Variants in SLC8A3 observed in about 807,000 individuals in gnomAD.
The protein encoded by SLC8A3 is solute carrier family 8 member A3.
SLC8A3 carries 37 observed loss-of-function variants against 65.4 expected under a neutral mutation model. That is an observed-to-expected ratio of 0.57 (90% CI 0.44 to 0.74). The LOEUF (loss-of-function observed/expected upper bound fraction) is 0.74, where lower values mean the gene tolerates loss of function less well. Ranked by LOEUF, SLC8A3 falls within the 30% of genes least tolerant of loss-of-function variation. The probability of loss-of-function intolerance (pLI) is 0.00; values close to 1 mark genes in which losing one functional copy is unlikely to be tolerated. For missense variants in SLC8A3, 1,112 were observed against 1,172.1 expected (o/e 0.95, Z 0.75); for synonymous variants, 461 against 444.5 (o/e 1.04, Z -0.47).
intron 2 of SLC8A3, among the ~76,000 whole-genome samples, chr14:70,098,190 G>A (rs1027866912): frequency 6.6e-6 from 1 of 152,182 alleles, no homozygotes; most frequent in Non-Finnish European, 1.5e-5. Context: ...GGCTTCCAGT[G>A]GGAAGAGCTA....
intron 2 of SLC8A3, among the ~76,000 whole-genome samples, chr14:70,065,728 G>C (rs1889350730): frequency 6.6e-6 from 1 of 152,224 alleles, no homozygotes; most frequent in African/African-American, 2.4e-5. Context: ...AACAATCCCA[G>C]TTTGGTGGTT....
At chr14:70,098,957 C>T (rs1258535898) in intron 2 of SLC8A3, among the ~76,000 whole-genome samples, 4 of 152,134 alleles carry the variant, frequency 2.6e-5, no homozygotes, top group Middle Eastern at 3.2e-3. Flanking sequence ...GCCCACGGTT[C>T]TCCGGGCTGC....
chr14:70,121,814 A>C (rs1373826634), intron 2 of SLC8A3, among the ~76,000 whole-genome samples: 1 of 144,310 alleles, frequency 6.9e-6, no homozygotes, highest in East Asian at 2.4e-4. Context: ...TCTTTTCAAA[A>C]ATTTTACATT....
chr14:70,109,323 T>C (rs983442151), intron 2 of SLC8A3, among the ~76,000 whole-genome samples: 1 of 148,898 alleles, frequency 6.7e-6, no homozygotes. Context: ...ACATTATATA[T>C]ATACACACAC....
chr14:70,087,817 C>A (rs1022306432), intron 2 of SLC8A3, among the ~76,000 whole-genome samples: 1 of 152,140 alleles, frequency 6.6e-6, no homozygotes, highest in African/African-American at 2.4e-5. Flanking sequence ...AACTTTGCAG[C>A]CCATGTTAAA....
At chr14:70,097,117 G>C (rs1251702047) in intron 2 of SLC8A3, among the ~76,000 whole-genome samples, 1 of 152,144 alleles carries the variant, frequency 6.6e-6, no homozygotes, top group Non-Finnish European at 1.5e-5. Context: ...AGTTCTGCAA[G>C]AAATGTTGTG....
intron 1 of SLC8A3, among the ~76,000 whole-genome samples, chr14:70,173,441 G>A (rs1273515716): frequency 6.6e-6 from 1 of 152,182 alleles, no homozygotes; most frequent in Non-Finnish European, 1.5e-5. Flanking sequence ...CAAGGCGTCT[G>A]TGTCCTTAGC....
intron 2 of SLC8A3, among the ~76,000 whole-genome samples, chr14:70,073,695 T>C (rs893803274): frequency 1.3e-5 from 2 of 152,200 alleles, no homozygotes; most frequent in South Asian, 2.1e-4. Context: ...CTCTCACTGC[T>C]GGGAATCTTA....
rs1287152079 is a variant in SLC8A3, at chr14:70,051,810, A to G, written c.2013+180T>C. ...TTCCTAACAATATTCCTAGCATACAAATGGTCAGCACTATTTGTTTCATGT... is the reference window on the plus strand; with the variant it reads ...TTCCTAACAATATTCCTAGCATACAGATGGTCAGCACTATTTGTTTCATGT... On this transcript the variant is annotated intron_variant, in intron 4 of 6. Coordinates refer to ENST00000356921, the MANE Select transcript of SLC8A3 (RefSeq NM_182932.3). Among the ~76,000 whole-genome samples, 4 of 152,188 alleles carry G rather than the reference A, an allele frequency of 2.6e-5. No individual in the cohort carries two copies. The East Asian group carries it at 5.8e-4, about 22-fold the overall frequency.
At chr14:70,075,045 A>G (rs1415881148) in intron 2 of SLC8A3, among the ~76,000 whole-genome samples, 1 of 152,110 alleles carries the variant, frequency 6.6e-6, no homozygotes, top group Non-Finnish European at 1.5e-5. Flanking sequence ...CTCTTTTGAG[A>G]TTGTTATGGG....
chr14:70,154,904 T>G, intron 2 of SLC8A3, among the ~76,000 whole-genome samples: 1 of 149,314 alleles, frequency 6.7e-6, no homozygotes. Context: ...ATCTATCACC[T>G]TAAATATTTA....
At chr14:70,130,496 A>T (rs116094053) in intron 2 of SLC8A3, among the ~76,000 whole-genome samples, 1,970 of 152,312 alleles carry the variant, frequency 0.013, 47 homozygotes, top group African/African-American at 0.045. Flanking sequence ...TTGGGGGAAC[A>T]CTGTTCAGCT....
At chr14:70,048,545 C>A in intron 6 of SLC8A3, 1 of 647,182 alleles carries the variant, frequency 1.5e-6, no homozygotes, top group African/African-American at 1.8e-5. Flanking sequence ...GTGTAAATTG[C>A]TGAACACACA....
At chr14:70,159,955 C>T (rs1365725131) in intron 2 of SLC8A3, among the ~76,000 whole-genome samples, 1 of 152,208 alleles carries the variant, frequency 6.6e-6, no homozygotes, top group Non-Finnish European at 1.5e-5. Context: ...CAGCCCTTCA[C>T]ATCCATGGGC....
intron 5 of SLC8A3, among the ~76,000 whole-genome samples, chr14:70,049,642 AG>A (rs1887244390): frequency 6.6e-6 from 1 of 151,104 alleles, no homozygotes; most frequent in South Asian, 2.1e-4. Context: ...AAAAAAAAAA[AG>A]AAAGGAGAAT....
intron 3 of SLC8A3, chr14:70,055,779 G>T: frequency 6.2e-7 from 1 of 1,604,730 alleles, no homozygotes; most frequent in Non-Finnish European, 8.5e-7. Flanking sequence ...AAAAGAGGGG[G>T]ACAAGACACC....
intron 2 of SLC8A3, among the ~76,000 whole-genome samples, chr14:70,130,569 T>C (rs377251030): frequency 1.3e-5 from 2 of 152,224 alleles, no homozygotes; most frequent in African/African-American, 2.4e-5. Flanking sequence ...GCCTGGCTAA[T>C]TGACCTGCAT....
intron 2 of SLC8A3, among the ~76,000 whole-genome samples, chr14:70,061,667 T>G (rs1248215689): frequency 6.6e-6 from 1 of 152,146 alleles, no homozygotes; most frequent in Admixed American, 6.5e-5. Context: ...TAAATATGTA[T>G]TAACCACAAT....
At chr14:70,185,324 C>A (rs558708613) in intron 1 of SLC8A3, among the ~76,000 whole-genome samples, 1 of 152,372 alleles carries the variant, frequency 6.6e-6, no homozygotes, top group East Asian at 1.9e-4. Flanking sequence ...ATGTGTGACA[C>A]ATTTCCCAAA....
Sources: gnomAD v4.1 joint callset for allele counts (sites outside exome capture counted in the v4.1 genomes callset) on GRCh38, gnomAD v4.1.1 for gene constraint, MANE v1.5 for transcripts, NCBI Gene and HGNC (gene_info 2026-07-23, HGNC 2026-07-21) for gene names.